RIMBP2: variants seen among roughly 807,000 people sequenced by gnomAD.
The protein encoded by RIMBP2 is RIMS binding protein 2, also known as RIMS-binding protein 2.
In RIMBP2, 48 loss-of-function variants were observed where a neutral mutation model predicts 118.6. The observed-to-expected ratio is 0.40, with a 90% CI of 0.32 to 0.51. The LOEUF (loss-of-function observed/expected upper bound fraction) is 0.51, where lower values mean the gene tolerates loss of function less well. Ranked by LOEUF, RIMBP2 falls within the 20% of genes least tolerant of loss-of-function variation. The pLI is 0.41. For missense variants in RIMBP2, 1,551 were observed against 1,768.3 expected (o/e 0.88, Z 2.20); for synonymous variants, 762 against 742.9 (o/e 1.03, Z -0.42).
rs960173212 is a variant in RIMBP2 at position 130,710,039 on chromosome 12, G to A, written c.-352+6183C>T. ...GTACACCACTGGCCCCCTGGTTTCC[G>A]GGTATCCCTGGGAGCTCACGGGTGG... On this transcript the variant is annotated intron_variant, in intron 1 of 22. Coordinates refer to ENST00000690449, the MANE Select transcript of RIMBP2 (RefSeq NM_001393629.1). The surrounding 1 kb of genome is among the most constrained non-coding windows in gnomAD (Gnocchi z 4.3). Among the ~76,000 whole-genome samples, 2 of 152,136 alleles carry A rather than the reference G, an allele frequency of 1.3e-5. No individual in the cohort carries two copies. The highest frequency in any genetic ancestry group is 4.8e-5 in the African/African-American group (2 of 41,422).
At chr12:130,499,227 G>A (rs776031211) in intron 4 of RIMBP2, among the ~76,000 whole-genome samples, 1 of 152,110 alleles carries the variant, frequency 6.6e-6, no homozygotes, top group Non-Finnish European at 1.5e-5. Context: ...TCTCCCACCA[G>A]GTCTCTTCCC....
At chr12:130,399,499 G>C (rs927772498) in intron 22 of RIMBP2, among the ~76,000 whole-genome samples, 180 bp downstream of exon 22, 20 of 152,098 alleles carry the variant, frequency 1.3e-4, no homozygotes, top group African/African-American at 4.6e-4. Flanking sequence ...TGTAAAATGA[G>C]TAAGATTTAG....
chr12:130,565,914 T>C (rs1222809431), intron 2 of RIMBP2, among the ~76,000 whole-genome samples: 1 of 152,200 alleles, frequency 6.6e-6, no homozygotes, highest in African/African-American at 2.4e-5. Context: ...TAAAATAATA[T>C]TGTTTCTACT....
chr12:130,506,760 T>A lies in RIMBP2; in HGVS notation c.-116A>T. ...GAGCGGATGGTTGAGATGCACATAC[T>A]CTGCCTTCACCTGCAAGCGGAAGGG... On this transcript the variant is annotated 5_prime_UTR_variant, in exon 4 of 23. Coordinates refer to ENST00000690449, the MANE Select transcript of RIMBP2 (RefSeq NM_001393629.1). 4 of 985,718 alleles carry A rather than the reference T, an allele frequency of 4.1e-6. No individual in the cohort carries two copies. Among genetic ancestry groups the A allele is most frequent in the Non-Finnish European group, 4.8e-6 (4 of 829,944 alleles). The allele number at this position is 985,718 out of a possible 1,614,324, so 61.1% of individuals were successfully genotyped here. A position where few individuals can be genotyped will look rare whatever the true frequency, so the allele number is the denominator to read the frequency against.
chr12:130,421,967 G>A (rs552291980), intron 17 of RIMBP2, among the ~76,000 whole-genome samples: 2 of 152,342 alleles, frequency 1.3e-5, no homozygotes, highest in South Asian at 2.1e-4. Flanking sequence ...CCAGATGGAT[G>A]TGGGGAGCAC....
intron 14 of RIMBP2, chr12:130,432,090 G>A (rs1170340812): frequency 2.7e-6 from 1 of 375,740 alleles, no homozygotes; most frequent in Non-Finnish European, 5.3e-6. Flanking sequence ...TGGGGGTATG[G>A]GTCCTTCACC....
At chr12:130,690,587 A>G (rs2065266588) in intron 1 of RIMBP2, among the ~76,000 whole-genome samples, 2 of 152,288 alleles carry the variant, frequency 1.3e-5, no homozygotes, top group South Asian at 4.1e-4. Context: ...GGCTAATTCC[A>G]GTGGGAGAGG....
chr12:130,700,861 G>A (rs577326554), intron 1 of RIMBP2, among the ~76,000 whole-genome samples: 34 of 152,234 alleles, frequency 2.2e-4, no homozygotes, highest in Non-Finnish European at 3.2e-4. Flanking sequence ...CCTTGTGAGC[G>A]CCCACTGCAT....
chr12:130,553,166 G>GTGCTGGGCATGGTGGCTCAGTCCTGT (rs2055992585), intron 2 of RIMBP2, among the ~76,000 whole-genome samples: 1 of 110,592 alleles, frequency 9.0e-6, no homozygotes, highest in African/African-American at 2.9e-5. Flanking sequence ...AAAAAAAAAA[G>GTGCTGGGCATGGTGGCTCAGTCCTGT]AAAAGAAAAG....
At chr12:130,644,173 G>A (rs1485073747) in intron 1 of RIMBP2, among the ~76,000 whole-genome samples, 6 of 152,200 alleles carry the variant, frequency 3.9e-5, no homozygotes, top group South Asian at 2.1e-4. Context: ...CCATTGAGAC[G>A]AAGGAAAGGA....
rs144226416 is a variant in RIMBP2, at chr12:130,652,918, A to G, written c.-351-24462T>C. Among the ~76,000 whole-genome samples, 7 of 152,298 alleles carry G rather than the reference A, an allele frequency of 4.6e-5. No homozygotes were observed. In the East Asian group the frequency reaches 1.4e-3, roughly 29 times the overall value. Reference sequence around the variant, plus strand: ...TGAACTAACCAAGTGAGGACTCACAATGGTGCTAAGCCGTTGATGAGGGAT... The same window carrying G: ...TGAACTAACCAAGTGAGGACTCACAGTGGTGCTAAGCCGTTGATGAGGGAT... On this transcript the variant is annotated intron_variant, in intron 1 of 22. Coordinates refer to ENST00000690449, the MANE Select transcript of RIMBP2 (RefSeq NM_001393629.1).
At chr12:130,636,202 A>G (rs1273506835) in intron 1 of RIMBP2, among the ~76,000 whole-genome samples, 2 of 152,000 alleles carry the variant, frequency 1.3e-5, no homozygotes, top group Admixed American at 6.6e-5. Flanking sequence ...GGCTGGCTCT[A>G]TTGTCTTTCA....
chr12:130,592,126 C>G lies in RIMBP2; in HGVS notation c.-217+36196G>C, dbSNP rs191195927. ...AAACGGACAGCTGTTTCATGACAGT[C>G]TCACGACTGATTACCAGCACATGCC... On this transcript the variant is annotated intron_variant, in intron 2 of 22. Coordinates refer to ENST00000690449, the MANE Select transcript of RIMBP2 (RefSeq NM_001393629.1). Among the ~76,000 whole-genome samples, 16 of 152,326 alleles carry G rather than the reference C, an allele frequency of 1.1e-4. No individual in the cohort carries two copies. In the East Asian group the frequency reaches 3.1e-3, roughly 29 times the overall value.
rs554399895 is a variant in RIMBP2, at chr12:130,683,067, A to C, written c.-352+33155T>G. On this transcript the variant is annotated intron_variant, in intron 1 of 22. Transcript: ENST00000690449. The surrounding 1 kb of genome is among the most constrained non-coding windows in gnomAD (Gnocchi z 4.4). Reference sequence around the variant, plus strand: ...GTAGTAGTTGAATAGTGCCTTCCCCAAAAAACCCACATGACCCCATTTGGA... The same window carrying C: ...GTAGTAGTTGAATAGTGCCTTCCCCCAAAAACCCACATGACCCCATTTGGA... 1.5e-4 allele frequency among the ~76,000 whole-genome samples: 23 copies of C among 152,296 alleles called. No individual in the cohort carries two copies. Among genetic ancestry groups the C allele is most frequent in the African/African-American group, 5.3e-4 (22 of 41,558 alleles).
chr12:130,472,875 C>T (rs1190209423), intron 5 of RIMBP2, among the ~76,000 whole-genome samples: 12 of 152,128 alleles, frequency 7.9e-5, no homozygotes. Flanking sequence ...GTTAATTACA[C>T]CATTCTCAAG....
intron 19 of RIMBP2, 113 bp downstream of exon 19, chr12:130,412,506 G>C (rs368352235): frequency 1.0e-6 from 1 of 980,054 alleles, no homozygotes; most frequent in African/African-American, 1.6e-5. Context: ...CATGACTTTG[G>C]CATATTTAAA....
intron 2 of RIMBP2, among the ~76,000 whole-genome samples, chr12:130,521,395 C>G (rs1395395544): frequency 1.3e-5 from 2 of 152,166 alleles, no homozygotes; most frequent in Admixed American, 1.3e-4. Context: ...TGGCACTAGC[C>G]GTGACAGTTC....
intron 2 of RIMBP2, among the ~76,000 whole-genome samples, chr12:130,616,576 T>G (rs1220120897): frequency 6.6e-6 from 1 of 152,136 alleles, no homozygotes; most frequent in South Asian, 2.1e-4. Context: ...GCCCAACCCA[T>G]CAGCCATGTC....
intron 1 of RIMBP2, among the ~76,000 whole-genome samples, chr12:130,691,759 G>C (rs116641428): frequency 6.6e-6 from 1 of 152,224 alleles, no homozygotes; most frequent in East Asian, 1.9e-4. Flanking sequence ...TCATGCAGAC[G>C]GTGCAGCACA....
Sources: gnomAD v4.1 joint callset for allele counts (sites outside exome capture counted in the v4.1 genomes callset) on GRCh38, gnomAD v4.1.1 for gene constraint, Gnocchi (gnomAD v3.1) non-coding constraint, MANE v1.5 for transcripts, NCBI Gene and HGNC (gene_info 2026-07-23, HGNC 2026-07-21) for gene names.